The following ADAR variants were observed in gnomAD, a reference collection of about 807,000 sequenced individuals.
The protein encoded by ADAR is adenosine deaminase RNA specific, also known as double-stranded RNA-specific adenosine deaminase.
In ADAR, 41 loss-of-function variants were observed where a neutral mutation model predicts 113.2. The ratio of observed to expected loss-of-function variants is 0.36; its 90% confidence interval spans 0.28 to 0.47. ADAR has a LOEUF of 0.47. ADAR is among the 20% of genes least tolerant of loss of function. ADAR has a pLI of 1.00. For missense variants in ADAR, 1,242 were observed against 1,540.9 expected, an observed-to-expected ratio of 0.81 and a Z score of 3.25; for synonymous variants, 605 against 572.6, an observed-to-expected ratio of 1.06 and a Z score of -0.81.
At chr1:154,587,823 G>A (rs1696865444) in intron 11 of ADAR, among the ~76,000 whole-genome samples, 1 of 152,116 alleles carries the variant, frequency 6.6e-6, no homozygotes, top group South Asian at 2.1e-4. Context: ...TGGCCATGAA[G>A]ACCCTATAGG....
chr1:154,591,856 G>A (rs1018329873), intron 6 of ADAR, among the ~76,000 whole-genome samples: 1 of 152,174 alleles, frequency 6.6e-6, no homozygotes, highest in Non-Finnish European at 1.5e-5. Context: ...GCAGGCCCGT[G>A]CAGGCCAGTG....
Position 154,596,831 on chromosome 1 carries a change from G to A in ADAR, c.2244C>T (p.Asp748=), listed in dbSNP as rs1023862697. 6.2e-7 allele frequency: 1 copy of A among 1,613,632 alleles called. No homozygotes were observed. The highest frequency in any genetic ancestry group is 1.3e-5 in the African/African-American group (1 of 75,014). ...HGFAAEFKLV[D]QSGPPHEPKF... ...TGGGCTCGTGAGGAGGTCCGGACTG[G>A]TCGACCAACTTGAATTCAGCAGCAA... The change falls in exon 6 of 15, where the codon GAC becomes GAT. Residue 748 remains aspartate, a synonymous_variant. Coordinates refer to ENST00000368474, the MANE Select transcript of ADAR (RefSeq NM_001111.5).
chr1:154,627,489 C>G (rs1698977069), intron 1 of ADAR, among the ~76,000 whole-genome samples: 1 of 152,324 alleles, frequency 6.6e-6, no homozygotes, highest in Admixed American at 6.5e-5. Context: ...GCGGGGGAGC[C>G]GGCGAGAGGG....
intron 1 of ADAR, among the ~76,000 whole-genome samples, chr1:154,605,495 G>T (rs1386283175): frequency 6.6e-6 from 1 of 150,982 alleles, no homozygotes; most frequent in Non-Finnish European, 1.5e-5. Context: ...TTAACATTAG[G>T]TGTCCTATAA....
At chr1:154,605,997 T>A in intron 1 of ADAR, 3 of 942,992 alleles carry the variant, frequency 3.2e-6, no homozygotes, top group Non-Finnish European at 3.8e-6. Flanking sequence ...TATGGAATAG[T>A]ACTCACACGG....
exon 1 of ADAR, chr1:154,627,871 T>G: frequency 1.9e-6 from 1 of 518,048 alleles, no homozygotes; most frequent in South Asian, 1.4e-5. Flanking sequence ...TTGCACTTCC[T>G]CGGGACACGG....
chr1:154,611,051 G>T (rs561084997), upstream of ADAR, among the ~76,000 whole-genome samples: 12 of 152,152 alleles, frequency 7.9e-5, no homozygotes, highest in South Asian at 2.5e-3. Context: ...AAACAAACAA[G>T]AACCACAACA....
At chr1:154,608,831 G>C (rs867140472), upstream of ADAR, 2 of 150,898 alleles carry the variant, frequency 1.3e-5, no homozygotes, top group African/African-American at 4.9e-5. Context: ...AATGTGGAGG[G>C]GGGGGGGAGG....
intron 11 of ADAR, among the ~76,000 whole-genome samples, chr1:154,587,096 C>T (rs975173151): frequency 2.6e-5 from 4 of 152,180 alleles, no homozygotes; most frequent in African/African-American, 9.7e-5. Context: ...AACATTTCAT[C>T]GCTCCAAAAA....
intron 1 of ADAR, among the ~76,000 whole-genome samples, chr1:154,605,659 T>C (rs1194193888): frequency 1.3e-5 from 2 of 152,148 alleles, no homozygotes; most frequent in Non-Finnish European, 2.9e-5. Context: ...AACAAACATT[T>C]GTTGAATTAA....
intron 1 of ADAR, among the ~76,000 whole-genome samples, chr1:154,620,909 G>A (rs906866706): frequency 1.3e-5 from 2 of 152,184 alleles, no homozygotes; most frequent in Non-Finnish European, 2.9e-5. Context: ...TGAGGAAGAG[G>A]AACTGGAAGA....
At position 154,599,035 on chromosome 1, in the gene ADAR, C is replaced by A. The variant is rs189677027; in HGVS notation, c.1602-450G>T. ...GCTTCTTATAACCCAGTCTCACACT[C>A]CCCACTACCTAGGGGGATCAGGCAT... On this transcript the variant is annotated intron_variant, in intron 2 of 14. Coordinates refer to ENST00000368474, the MANE Select transcript of ADAR (RefSeq NM_001111.5). 2.8e-4 allele frequency among the ~76,000 whole-genome samples: 43 copies of A among 152,324 alleles called. No individual in the cohort carries two copies. In the East Asian group the frequency reaches 7.0e-3, roughly 25 times the overall value.
At position 154,588,603 on chromosome 1, in the gene ADAR, C is replaced by G. The variant is rs1313794079; in HGVS notation, c.2833G>C (p.Gly945Arg). 6.2e-7 allele frequency: 1 copy of G among 1,614,092 alleles called. No homozygotes were observed. The highest frequency in any genetic ancestry group is 2.2e-5 in the East Asian group (1 of 44,882). The change falls in exon 10 of 15, where the codon GGA becomes CGA. Residue 945 changes from glycine to arginine, a missense_variant. Transcript: ENST00000368474. The part of the protein sequence containing the change: ...AKDSIFEPAK[G>R]GEKLQIKKTV... ...TTTTTTATTTGGAGCTTTTCTCCTC[C>G]CTTAGCAGGTTCAAATATACTATCC...
At chr1:154,620,027 T>C (rs1201110371) in intron 1 of ADAR, among the ~76,000 whole-genome samples, 4 of 152,206 alleles carry the variant, frequency 2.6e-5, no homozygotes, top group African/African-American at 9.6e-5. Context: ...TTAATGAATA[T>C]AGTTTTAGAT....
In ADAR at chr1:154,602,096, C is replaced by T; in HGVS notation, c.546G>A (p.Lys182=). ...TTCCTGCCTCTTTCTGTAGCTTGCC[C>T]TTCTTTGCCAGGGAGTATAAAACTC... is the stretch of plus-strand genomic sequence containing the variant. ...INRVLYSLAK[K]GKLQKEAGTP... Residue 182 remains lysine (K), a synonymous_variant, in exon 2 of 15, where the codon AAG becomes AAA. Transcript: ENST00000368474. 6.2e-7 allele frequency: 1 copy of T among 1,614,226 alleles called. No individual in the cohort carries two copies. Among genetic ancestry groups the T allele is most frequent in the Non-Finnish European group, 8.5e-7 (1 of 1,180,038 alleles).
At chr1:154,608,843 G>GGGGGGGC, upstream of ADAR, 1 of 130,400 alleles carries the variant, frequency 7.7e-6, no homozygotes, top group East Asian at 2.7e-4. Context: ...GGGGGGAGGG[G>GGGGGGGC]ATGGGCGGGA....
At chr1:154,590,770 C>T (rs1452651840) in intron 6 of ADAR, among the ~76,000 whole-genome samples, 1 of 138,150 alleles carries the variant, frequency 7.2e-6, no homozygotes, top group Non-Finnish European at 1.5e-5. Flanking sequence ...GGCAACATAG[C>T]GAGACCCCTG....
upstream of ADAR, chr1:154,608,894 CCTTGTTAATGCTCCTA>C (rs1396416889): frequency 6.6e-6 from 1 of 150,526 alleles, no homozygotes; most frequent in Non-Finnish European, 1.5e-5. Flanking sequence ...CACCGTGGGA[CCTTGTTAATGCTCCTA>C]CTATGTTATA....
rs71077958 is a variant in ADAR, at chr1:154,590,153, C to CAA, written c.2496+29_2496+30dup. 78 of 1,141,434 alleles carry CAA rather than the reference C, an allele frequency of 6.8e-5. 2 individuals carry two copies. The Middle Eastern group carries it at 6.9e-4, about 10-fold the overall frequency. 70.7% of individuals were successfully genotyped at this position (1,141,434 alleles called of 1,614,324 possible). ...AGGAGTTAGGAGGACCCCCCCGCCC[C>CAA]AAAAAAGGCACCAAAAGTAGACGTC... On this transcript the variant is annotated intron_variant, in intron 7 of 14. Coordinates refer to ENST00000368474, the MANE Select transcript of ADAR (RefSeq NM_001111.5).
Sources: allele counts gnomAD v4.1 joint callset (sites outside exome capture counted in the v4.1 genomes callset), GRCh38; gene constraint gnomAD v4.1.1; transcripts MANE v1.5; gene names NCBI Gene and HGNC (gene_info 2026-07-23, HGNC 2026-07-21).